The following L3MBTL3 variants were observed in gnomAD, a reference collection of about 807,000 sequenced individuals.
The protein encoded by L3MBTL3 is L3MBTL histone methyl-lysine binding protein 3, also known as lethal(3)malignant brain tumor-like protein 3.
In L3MBTL3, 27 loss-of-function variants were observed where a neutral mutation model predicts 102.3. The observed-to-expected ratio is 0.26, with a 90% CI of 0.19 to 0.36. The LOEUF is 0.36. Among genes scored for constraint, L3MBTL3 ranks in the 10% least tolerant of loss-of-function variants. The probability of loss-of-function intolerance (pLI) is 1.00; values close to 1 mark genes in which losing one functional copy is unlikely to be tolerated. For synonymous variants in L3MBTL3, 340 were observed against 320.9 expected (o/e 1.06, Z -0.64); for missense variants, 798 against 955.3 (o/e 0.84, Z 2.17).
At chr6:130,112,160 G>A (rs1035347700) in intron 19 of L3MBTL3, among the ~76,000 whole-genome samples, 4 of 152,102 alleles carry the variant, frequency 2.6e-5, no homozygotes, top group South Asian at 4.1e-4. Flanking sequence ...CTCATCTCAC[G>A]TCCCAATGCT....
At chr6:130,070,548 A>G (rs1171907419) in intron 12 of L3MBTL3, among the ~76,000 whole-genome samples, 1 of 152,176 alleles carries the variant, frequency 6.6e-6, no homozygotes, top group Non-Finnish European at 1.5e-5. Flanking sequence ...TGACTCATGC[A>G]CATTTTTAAC....
chr6:130,052,028 C>T (rs757034932), intron 6 of L3MBTL3, among the ~76,000 whole-genome samples: 1 of 152,052 alleles, frequency 6.6e-6, no homozygotes, highest in African/African-American at 2.4e-5. Context: ...TTGTATACTA[C>T]AAAGAAATGA....
intron 10 of L3MBTL3, among the ~76,000 whole-genome samples, chr6:130,066,024 G>C (rs1022961843): frequency 1.3e-5 from 2 of 152,114 alleles, no homozygotes; most frequent in Non-Finnish European, 2.9e-5. Context: ...GTGCCTTCCA[G>C]CTTACCCTGG....
intron 7 of L3MBTL3, among the ~76,000 whole-genome samples, chr6:130,054,249 G>GT (rs1217473418): frequency 6.6e-6 from 1 of 152,234 alleles, no homozygotes; most frequent in Non-Finnish European, 1.5e-5. Context: ...AGAGGGTGGA[G>GT]TAAGATGAAG....
intron 14 of L3MBTL3, among the ~76,000 whole-genome samples, chr6:130,080,246 G>A (rs1201480793): frequency 7.0e-6 from 1 of 143,256 alleles, no homozygotes; most frequent in Non-Finnish European, 1.5e-5. Context: ...GAGCAAGACA[G>A]TGTTTCAAGA....
intron 10 of L3MBTL3, among the ~76,000 whole-genome samples, chr6:130,060,667 G>A (rs113616046): frequency 0.01 from 1,530 of 149,860 alleles, 27 homozygotes; most frequent in African/African-American, 0.036. Flanking sequence ...GCCATACTGT[G>A]TTCCTTAACA....
chr6:130,133,321 T>C lies in L3MBTL3; in HGVS notation c.1967-131T>C. 2 of 764,624 alleles carry C rather than the reference T, an allele frequency of 2.6e-6. No homozygotes were observed. The highest frequency in any genetic ancestry group is 2.8e-5 in the Admixed American group (1 of 35,980). The allele number at this position is 764,624 out of a possible 1,614,324, so 47.4% of individuals were successfully genotyped here. ...TAAAGACAAAGAAGAGCCTATTCAATAGTATAATGCTGAAAGGAACCAATG... is the reference window on the plus strand; with the variant it reads ...TAAAGACAAAGAAGAGCCTATTCAACAGTATAATGCTGAAAGGAACCAATG... On this transcript the variant is annotated intron_variant, in intron 20 of 22. Coordinates refer to ENST00000361794, the MANE Select transcript of L3MBTL3 (RefSeq NM_032438.4). This position sits in a 1 kb window ranked among gnomAD's most constrained non-coding sequence, Gnocchi z 4.9.
chr6:130,034,380 ACCC>A (rs1323594687), intron 2 of L3MBTL3, among the ~76,000 whole-genome samples: 3 of 152,090 alleles, frequency 2.0e-5, no homozygotes, highest in Non-Finnish European at 4.4e-5. Context: ...ATCTCTCTAG[ACCC>A]CTATCTACTT....
intron 19 of L3MBTL3, among the ~76,000 whole-genome samples, chr6:130,115,317 A>G (rs1785596133): frequency 6.6e-6 from 1 of 152,210 alleles, no homozygotes; most frequent in Non-Finnish European, 1.5e-5. Context: ...GCCAGCAATA[A>G]CTGTCAATCC....
intron 16 of L3MBTL3, among the ~76,000 whole-genome samples, chr6:130,088,375 A>G (rs6569653): frequency 0.14 from 20,733 of 152,154 alleles, 3,981 homozygotes; most frequent in African/African-American, 0.43. Flanking sequence ...TTATCTAATA[A>G]GTGGGAGATT....
At chr6:130,120,815 T>G in intron 19 of L3MBTL3, 64 bp from the exon 20 acceptor site, 1 of 1,179,914 alleles carries the variant, frequency 8.5e-7, no homozygotes. Context: ...TGTTGAGATG[T>G]AGTTCTGAAC....
intron 17 of L3MBTL3, among the ~76,000 whole-genome samples, chr6:130,093,489 C>A (rs1784179391): frequency 6.6e-6 from 1 of 152,126 alleles, no homozygotes; most frequent in South Asian, 2.1e-4. Context: ...ATGCTACATA[C>A]AAACTGCATA....
chr6:130,114,685 A>G (rs752926041), intron 19 of L3MBTL3, among the ~76,000 whole-genome samples: 41 of 152,344 alleles, frequency 2.7e-4, no homozygotes, highest in Admixed American at 2.0e-3. Context: ...CATTAGATAC[A>G]CAGTAAACCA....
At chr6:130,086,818 G>C (rs1436730474) in intron 16 of L3MBTL3, among the ~76,000 whole-genome samples, 1 of 152,134 alleles carries the variant, frequency 6.6e-6, no homozygotes, top group East Asian at 1.9e-4. Flanking sequence ...GCTCGTCTCT[G>C]TTTCTTACTT....
intron 2 of L3MBTL3, among the ~76,000 whole-genome samples, chr6:130,034,312 A>G (rs145481804): frequency 6.6e-6 from 1 of 152,346 alleles, no homozygotes; most frequent in East Asian, 1.9e-4. Flanking sequence ...AAAAAAAATC[A>G]TTTTAGCACA....
chr6:130,071,176 G>A, intron 13 of L3MBTL3, 49 bp downstream of exon 13: 1 of 1,536,816 alleles, frequency 6.5e-7, no homozygotes, highest in African/African-American at 1.4e-5. Flanking sequence ...ATTTATCCAA[G>A]TAAATGGTTT....
intron 18 of L3MBTL3, among the ~76,000 whole-genome samples, chr6:130,104,167 G>A (rs1222665780): frequency 6.6e-6 from 1 of 152,134 alleles, no homozygotes; most frequent in Non-Finnish European, 1.5e-5. Context: ...TAATCCTTCA[G>A]TGACTCTTGC....
intron 20 of L3MBTL3, among the ~76,000 whole-genome samples, chr6:130,123,995 A>T (rs1427237864): frequency 6.6e-6 from 1 of 152,110 alleles, no homozygotes; most frequent in East Asian, 1.9e-4. Flanking sequence ...GTTAGTGAGT[A>T]TTCTTGGGAG....
intron 14 of L3MBTL3, among the ~76,000 whole-genome samples, chr6:130,081,896 G>C (rs1196089488): frequency 6.6e-6 from 1 of 152,086 alleles, no homozygotes; most frequent in Non-Finnish European, 1.5e-5. Context: ...GATCCCTCCA[G>C]CTTCTATTAA....
Sources: gnomAD v4.1 joint callset for allele counts (sites outside exome capture counted in the v4.1 genomes callset) on GRCh38, gnomAD v4.1.1 for gene constraint, Gnocchi (gnomAD v3.1) non-coding constraint, MANE v1.5 for transcripts, NCBI Gene and HGNC (gene_info 2026-07-23, HGNC 2026-07-21) for gene names.